The following CCDC178 variants were observed in gnomAD, a reference collection of about 807,000 sequenced individuals.
CCDC178 encodes the protein coiled-coil domain-containing protein 178.
CCDC178 carries 126 observed loss-of-function variants against 117.4 expected under a neutral mutation model. That is an observed-to-expected ratio of 1.07 (90% CI 0.93 to 1.24). The LOEUF (loss-of-function observed/expected upper bound fraction) is 1.24, where lower values mean the gene tolerates loss of function less well. CCDC178 is among the 50% of genes most tolerant of loss of function. The pLI, the probability that CCDC178 is intolerant of heterozygous loss-of-function variation, is 0.00. For synonymous variants in CCDC178, 283 were observed against 313.4 expected (o/e 0.90, Z 1.02); for missense variants, 1,030 against 986.9 (o/e 1.04, Z -0.59).
chr18:33,278,583 C>T (rs2059982119), intron 12 of CCDC178, among the ~76,000 whole-genome samples: 1 of 151,848 alleles, frequency 6.6e-6, no homozygotes, highest in South Asian at 2.1e-4. Context: ...AGGCTTTATT[C>T]TATCATATAC....
chr18:33,034,479 TG>T (rs1366358344), intron 21 of CCDC178, among the ~76,000 whole-genome samples: 5 of 152,112 alleles, frequency 3.3e-5, no homozygotes, highest in African/African-American at 1.2e-4. Flanking sequence ...TGTAAGTTTC[TG>T]GAAAGTGTCA....
chr18:33,316,996 T>C (rs1319231293), intron 11 of CCDC178, among the ~76,000 whole-genome samples: 4 of 152,130 alleles, frequency 2.6e-5, no homozygotes, highest in Non-Finnish European at 5.9e-5. Flanking sequence ...CAGCTCTCTG[T>C]AAAACAGAAC....
At chr18:33,376,877 T>TGTC (rs2063374471) in intron 5 of CCDC178, among the ~76,000 whole-genome samples, 1 of 152,234 alleles carries the variant, frequency 6.6e-6, no homozygotes, top group Non-Finnish European at 1.5e-5. Context: ...ATTGATTCTA[T>TGTC]GTCTTTGCTA....
chr18:33,230,985 C>T (rs1011309914), intron 15 of CCDC178, among the ~76,000 whole-genome samples: 4 of 152,114 alleles, frequency 2.6e-5, no homozygotes, highest in Non-Finnish European at 5.9e-5. Context: ...ATAATGGATT[C>T]TACTAAGGAT....
intron 21 of CCDC178, among the ~76,000 whole-genome samples, chr18:33,081,196 T>C (rs1402187824): frequency 1.3e-5 from 2 of 152,198 alleles, no homozygotes; most frequent in Admixed American, 6.5e-5. Context: ...TGTGATCCCA[T>C]AGTTTGCATA....
chr18:33,370,183 T>A lies in CCDC178; in HGVS notation c.215A>T (p.Asn72Ile). The change falls in exon 6 of 23, where the codon AAT becomes ATT. Residue 72 changes from asparagine to isoleucine, a missense_variant. Physicochemically the swap from Asn to Ile is moderately radical, Grantham distance 149. Transcript: ENST00000383096. ...TGGGTAGCTAAAGTAAATGCCTTTATTCACCCCTAAAGAGAACAAATAGAA... is the reference window on the plus strand; with the variant it reads ...TGGGTAGCTAAAGTAAATGCCTTTAATCACCCCTAAAGAGAACAAATAGAA... Reference protein sequence around the residue: ...ESKMTNTEGVNKGIYFSYPCR... With the variant: ...ESKMTNTEGVIKGIYFSYPCR... The A allele has an allele frequency of 6.2e-7, 1 of 1,601,596 alleles. No homozygotes were observed. Among genetic ancestry groups the A allele is most frequent in the Non-Finnish European group, 8.5e-7 (1 of 1,174,332 alleles).
chr18:33,029,053 C>T (rs1273667764), intron 21 of CCDC178, among the ~76,000 whole-genome samples: 1 of 151,860 alleles, frequency 6.6e-6, no homozygotes, highest in East Asian at 1.9e-4. Context: ...GGAAGTGTCC[C>T]TTGCTCTGCT....
chr18:33,084,812 A>G (rs77165704), intron 21 of CCDC178, among the ~76,000 whole-genome samples: 1 of 144,860 alleles, frequency 6.9e-6, no homozygotes, highest in African/African-American at 2.6e-5. Flanking sequence ...CCCCGTCTCA[A>G]AAAAAAAAAA....
chr18:33,013,487 T>C (rs1028534066), intron 21 of CCDC178, among the ~76,000 whole-genome samples: 1 of 152,234 alleles, frequency 6.6e-6, no homozygotes, highest in Non-Finnish European at 1.5e-5. Context: ...AACCATTTTT[T>C]AAATGCATTC....
chr18:33,379,182 A>ATATTTCCATATATATATATATC (rs2063406680), intron 5 of CCDC178, among the ~76,000 whole-genome samples: 1 of 142,082 alleles, frequency 7.0e-6, no homozygotes, highest in African/African-American at 2.5e-5. Flanking sequence ...TAATATATAT[A>ATATTTCCATATATATATATATC]TTTCCATATA....
At chr18:33,340,344 A>G (rs1032346956) in intron 9 of CCDC178, among the ~76,000 whole-genome samples, 2 of 152,186 alleles carry the variant, frequency 1.3e-5, no homozygotes, top group African/African-American at 4.8e-5. Context: ...AAAGCATTCC[A>G]TTTTAAAAGG....
At chr18:33,433,165 T>C (rs2064244115) in intron 2 of CCDC178, among the ~76,000 whole-genome samples, 1 of 152,132 alleles carries the variant, frequency 6.6e-6, no homozygotes, top group South Asian at 2.1e-4. Context: ...ACATCTAAAA[T>C]TCTACTGAAA....
intron 2 of CCDC178, among the ~76,000 whole-genome samples, chr18:33,416,199 G>T (rs995476672): frequency 6.6e-6 from 1 of 152,146 alleles, no homozygotes; most frequent in Non-Finnish European, 1.5e-5. Flanking sequence ...AGGCCGAGGC[G>T]GGTGGATCAT....
intron 17 of CCDC178, among the ~76,000 whole-genome samples, chr18:33,224,062 T>C (rs1367469004): frequency 6.6e-6 from 1 of 152,176 alleles, no homozygotes; most frequent in Non-Finnish European, 1.5e-5. Flanking sequence ...ACTTTTTAAA[T>C]CACAATTTTA....
At chr18:33,169,620 C>G (rs571992397) in intron 20 of CCDC178, among the ~76,000 whole-genome samples, 1 of 152,034 alleles carries the variant, frequency 6.6e-6, no homozygotes, top group Non-Finnish European at 1.5e-5. Flanking sequence ...TTTTATATTC[C>G]TTCTGTCAGA....
intron 5 of CCDC178, among the ~76,000 whole-genome samples, chr18:33,380,575 C>G (rs2063427795): frequency 6.6e-6 from 1 of 152,144 alleles, no homozygotes; most frequent in Admixed American, 6.6e-5. Flanking sequence ...TTGCTCAGAT[C>G]CCTAGTGGAA....
At chr18:32,985,367 A>G (rs1006761928) in intron 21 of CCDC178, among the ~76,000 whole-genome samples, 8 of 152,000 alleles carry the variant, frequency 5.3e-5, no homozygotes, top group Admixed American at 6.6e-5. Context: ...AGCTATAAAA[A>G]TCATGGGTCA....
chr18:33,048,199 C>A (rs896367293), intron 21 of CCDC178, among the ~76,000 whole-genome samples: 1 of 152,132 alleles, frequency 6.6e-6, no homozygotes, highest in Non-Finnish European at 1.5e-5. Flanking sequence ...AGGGAGCATG[C>A]CCCCACTACA....
chr18:33,007,782 G>T (rs1568213680), intron 21 of CCDC178, among the ~76,000 whole-genome samples: 1 of 152,104 alleles, frequency 6.6e-6, no homozygotes, highest in East Asian at 1.9e-4. Flanking sequence ...CAACTGATCA[G>T]CTATAGGACT....
Sources: allele counts gnomAD v4.1 joint callset (sites outside exome capture counted in the v4.1 genomes callset), GRCh38; gene constraint gnomAD v4.1.1; transcripts MANE v1.5; gene names NCBI Gene and HGNC (gene_info 2026-07-23, HGNC 2026-07-21).